DPH6: variants seen among roughly 807,000 people sequenced by gnomAD.
DPH6 encodes the protein diphthine--ammonia ligase.
DPH6 carries 33 observed loss-of-function variants against 38.2 expected under a neutral mutation model. The ratio of observed to expected loss-of-function variants is 0.86; its 90% CI spans 0.65 to 1.15. DPH6 has a LOEUF of 1.15. DPH6 is among the 50% of genes most tolerant of loss of function. DPH6 has a pLI of 0.00. For synonymous variants in DPH6, 108 were observed against 103.0 expected (o/e 1.05, Z -0.30); for missense variants, 325 against 320.0 (o/e 1.02, Z -0.12).
In DPH6 at chr15:35,489,238, T is replaced by C; in HGVS notation, c.313-34418A>G. The C allele has an allele frequency of 8.4e-6, 6 of 710,446 alleles. No homozygotes were observed. The South Asian group carries it at 3.2e-4, about 37-fold the overall frequency. The allele number at this position is 710,446 out of a possible 1,614,324, so 44.0% of individuals were successfully genotyped here. On this transcript the variant is annotated intron_variant, in intron 3 of 8. Transcript: ENST00000256538. The stretch of plus-strand genomic sequence containing the variant: ...TCTTGGAAACCACAGAGCAGCCATA[T>C]TTTTTACCATGTGATCTGGGGATCT...
chr15:35,485,846 C>T (rs997997945), intron 3 of DPH6, among the ~76,000 whole-genome samples: 2 of 152,170 alleles, frequency 1.3e-5, no homozygotes, highest in African/African-American at 4.8e-5. Flanking sequence ...AAAGCTCACA[C>T]CCAAACTTCT....
At chr15:35,234,032 C>G (rs528099328) in intron 3 of DPH6, among the ~76,000 whole-genome samples, 4 of 152,282 alleles carry the variant, frequency 2.6e-5, no homozygotes, top group Admixed American at 2.6e-4. Flanking sequence ...CCCAACCCCC[C>G]ACAGGAGGAA....
At chr15:35,457,672 T>C (rs1471825313) in intron 3 of DPH6, among the ~76,000 whole-genome samples, 1 of 152,196 alleles carries the variant, frequency 6.6e-6, no homozygotes, top group Non-Finnish European at 1.5e-5. Context: ...TGTTACTGAA[T>C]TTCTCTGTGT....
At chr15:35,358,721 T>C in intron 3 of DPH6, among the ~76,000 whole-genome samples, 1 of 152,094 alleles carries the variant, frequency 6.6e-6, no homozygotes. Context: ...CTGCACTGAG[T>C]CCTGTGATGT....
chr15:35,269,522 T>G (rs997289203), intron 3 of DPH6, among the ~76,000 whole-genome samples: 4 of 151,906 alleles, frequency 2.6e-5, no homozygotes, highest in Middle Eastern at 3.2e-3. Context: ...CTGGAAGCTC[T>G]GCCTCCCGGG....
chr15:35,322,346 A>T (rs1281689227), intron 3 of DPH6, among the ~76,000 whole-genome samples: 1 of 152,128 alleles, frequency 6.6e-6, no homozygotes, highest in Non-Finnish European at 1.5e-5. Flanking sequence ...TTAGGGAGGG[A>T]CTATTGTTAT....
intron 3 of DPH6, among the ~76,000 whole-genome samples, chr15:35,526,380 T>C (rs1054782011): frequency 7.2e-5 from 11 of 152,158 alleles, no homozygotes; most frequent in African/African-American, 2.7e-4. Flanking sequence ...TTGAAAGATA[T>C]CTATGGGGAT....
intron 5 of DPH6, among the ~76,000 whole-genome samples, chr15:35,435,429 T>C (rs2053685915): frequency 6.6e-6 from 1 of 152,230 alleles, no homozygotes; most frequent in Non-Finnish European, 1.5e-5. Context: ...AAAGGGAACC[T>C]GCACAGGGTT....
At position 35,322,079 on chromosome 15, in the gene DPH6, C is replaced by T. The variant is rs886745132; in HGVS notation, n.200+51442G>A. 2.6e-5 allele frequency among the ~76,000 whole-genome samples: 4 copies of T among 152,048 alleles called. No individual in the cohort carries two copies. In the South Asian group the frequency reaches 8.3e-4, roughly 32 times the overall value. Reference sequence around the variant, plus strand: ...TCTACCTCCGGTGGGGCTGCAGGACCAGCTGAGTCATAAGTCATGGGTCCA... The same window carrying T: ...TCTACCTCCGGTGGGGCTGCAGGACTAGCTGAGTCATAAGTCATGGGTCCA... On this transcript the variant is annotated intron_variant and non_coding_transcript_variant, in intron 3 of 3. Transcript: ENST00000560386.
At chr15:35,262,542 T>C (rs1318957291) in intron 3 of DPH6, among the ~76,000 whole-genome samples, 2 of 151,780 alleles carry the variant, frequency 1.3e-5, no homozygotes, top group African/African-American at 4.8e-5. Context: ...CCGTCTCTAC[T>C]AAAAATACAA....
At chr15:35,314,577 G>C (rs1266665600) in intron 3 of DPH6, among the ~76,000 whole-genome samples, 3 of 152,130 alleles carry the variant, frequency 2.0e-5, no homozygotes, top group Non-Finnish European at 4.4e-5. Context: ...TTGAAGATGA[G>C]GAGCACAGTG....
At chr15:35,418,004 C>G (rs927909141) in intron 5 of DPH6, among the ~76,000 whole-genome samples, 16 of 152,168 alleles carry the variant, frequency 1.1e-4, no homozygotes, top group African/African-American at 3.6e-4. Flanking sequence ...TTTTTCAATG[C>G]AATTCAACTT....
chr15:35,492,734 T>G lies in DPH6; in HGVS notation c.313-37914A>C, dbSNP rs114629505. The stretch of plus-strand genomic sequence containing the variant: ...TTCTATTTTTTATTCCTATTTTGAT[T>G]TTTGATTTTACAAATAAGAAATCTT... On this transcript the variant is annotated intron_variant, in intron 3 of 8. Coordinates refer to ENST00000256538, the MANE Select transcript of DPH6 (RefSeq NM_080650.4). Among the ~76,000 whole-genome samples the G allele has an allele frequency of 2.5e-3, 376 of 152,272 alleles. 1 individual carries two copies. The highest frequency in any genetic ancestry group is 8.5e-3 in the African/African-American group (354 of 41,576).
At position 35,283,757 on chromosome 15, in the gene DPH6, T is replaced by TACACACAC. The variant is rs3028682; in HGVS notation, n.201-63183_201-63176dup. ...TACTTTTTTCATTGGGCACAGATAGTACACACACACACACACACACACACA... is the reference window on the plus strand; with the variant it reads ...TACTTTTTTCATTGGGCACAGATAGTACACACACACACACACACACACACACACACACA... On this transcript the variant is annotated intron_variant and non_coding_transcript_variant, in intron 3 of 3. Transcript: ENST00000560386. Among the ~76,000 whole-genome samples the TACACACAC allele has an allele frequency of 6.9e-3, 970 of 140,568 alleles. 13 individuals are homozygous for TACACACAC. The highest frequency in any genetic ancestry group is 0.022 in the African/African-American group (841 of 38,264). 92.2% of individuals were successfully genotyped at this position (140,568 alleles called of 152,430 possible).
In DPH6 at chr15:35,250,562, A is replaced by C. The variant is rs551884719; in HGVS notation, n.201-29980T>G. Among the ~76,000 whole-genome samples, 9 of 152,328 alleles carry C rather than the reference A, an allele frequency of 5.9e-5. 1 individual carries two copies. In the South Asian group the frequency reaches 1.9e-3, roughly 32 times the overall value. On this transcript the variant is annotated intron_variant and non_coding_transcript_variant, in intron 3 of 3. Transcript: ENST00000560386. The stretch of plus-strand genomic sequence containing the variant: ...GTTCTTACATGATATTTTATAACTA[A>C]TATTGCTGAATATTTTGAATTTCTA...
At position 35,257,823 on chromosome 15, in the gene DPH6, A is replaced by G. The variant is rs1018023564; in HGVS notation, n.201-37241T>C. 6.1e-5 allele frequency among the ~76,000 whole-genome samples: 9 copies of G among 148,362 alleles called. No individual in the cohort carries two copies. The South Asian group carries it at 1.5e-3, about 25-fold the overall frequency. On this transcript the variant is annotated intron_variant and non_coding_transcript_variant, in intron 3 of 3. Coordinates refer to the DPH6 transcript ENST00000560386. ...ATTTTCTTACTTCTTTTATCATTACAATGCATAGTAAGTAATTAGCAGGAA... is the reference window on the plus strand; with the variant it reads ...ATTTTCTTACTTCTTTTATCATTACGATGCATAGTAAGTAATTAGCAGGAA...
the DPH6 span, among the ~76,000 whole-genome samples, chr15:35,191,529 C>T: frequency 6.6e-6 from 1 of 152,158 alleles, no homozygotes; most frequent in Non-Finnish European, 1.5e-5. Flanking sequence ...AGAGGCAGAA[C>T]AGGGATACGA....
intron 3 of DPH6, among the ~76,000 whole-genome samples, chr15:35,467,740 T>C (rs950402343): frequency 6.6e-6 from 1 of 151,970 alleles, no homozygotes; most frequent in Admixed American, 6.5e-5. Flanking sequence ...AACAAGGCCT[T>C]CTTGCGGAAT....
At chr15:35,460,948 C>T (rs1595384507) in intron 3 of DPH6, among the ~76,000 whole-genome samples, 1 of 148,146 alleles carries the variant, frequency 6.8e-6, no homozygotes, top group Admixed American at 6.7e-5. Flanking sequence ...TATTTCCACA[C>T]CTATCTGTAG....
Sources: gnomAD v4.1 joint callset for allele counts (sites outside exome capture counted in the v4.1 genomes callset) on GRCh38, gnomAD v4.1.1 for gene constraint, MANE v1.5 for transcripts, NCBI Gene and HGNC (gene_info 2026-07-23, HGNC 2026-07-21) for gene names.